CEP350: variants seen among roughly 807,000 people sequenced by gnomAD.
CEP350 encodes the protein centrosome-associated protein 350.
In CEP350, 126 loss-of-function variants were observed where a neutral mutation model predicts 331.8. The observed-to-expected ratio is 0.38, with a 90% CI of 0.33 to 0.44. The LOEUF (loss-of-function observed/expected upper bound fraction) is 0.44. Ranked by LOEUF, CEP350 falls within the 20% of genes least tolerant of loss-of-function variation. The pLI, the probability that CEP350 is intolerant of heterozygous loss-of-function variation, is 1.00. For missense variants in CEP350, 3,406 were observed against 3,634.6 expected, an observed-to-expected ratio of 0.94 and a Z score of 1.62; for synonymous variants, 1,200 against 1,259.5, an observed-to-expected ratio of 0.95 and a Z score of 1.00.
intron 26 of CEP350, 96 bp from the exon 27 acceptor site, chr1:180,065,019 T>C (rs1658463058): frequency 1.6e-6 from 2 of 1,272,144 alleles, no homozygotes; most frequent in Non-Finnish European, 2.1e-6. Context: ...TTATAAACAT[T>C]GTATTGTGGA....
At chr1:180,076,740 G>A (rs1156448749) in intron 28 of CEP350, among the ~76,000 whole-genome samples, 7 of 152,076 alleles carry the variant, frequency 4.6e-5, no homozygotes, top group Admixed American at 3.3e-4. Context: ...AGTGAGCTAA[G>A]ATCATACCAC....
At chr1:180,062,417 T>C in intron 26 of CEP350, 51 bp downstream of exon 26, 4 of 1,507,094 alleles carry the variant, frequency 2.7e-6, no homozygotes, top group Non-Finnish European at 3.6e-6. Flanking sequence ...TGATTGTCGG[T>C]ATCTAACCCT....
chr1:179,993,898 CCAACCTAGTT>C (rs1200519885), intron 5 of CEP350, among the ~76,000 whole-genome samples: 1 of 152,112 alleles, frequency 6.6e-6, no homozygotes, highest in Admixed American at 6.5e-5. Flanking sequence ...TCCCATTTTC[CCAACCTAGTT>C]CATCATCCCT....
intron 1 of CEP350, among the ~76,000 whole-genome samples, chr1:179,955,880 C>T (rs1178637927): frequency 6.6e-6 from 1 of 152,186 alleles, no homozygotes; most frequent in Non-Finnish European, 1.5e-5. Context: ...ATGTACTCCA[C>T]CTGATTGTTT....
intron 22 of CEP350, among the ~76,000 whole-genome samples, chr1:180,049,007 A>G (rs758317452): frequency 6.6e-6 from 1 of 152,180 alleles, no homozygotes; most frequent in Non-Finnish European, 1.5e-5. Flanking sequence ...TATCAAGTCT[A>G]CAGTGAGCTA....
At chr1:180,032,879 T>C (rs1656110976) in intron 15 of CEP350, among the ~76,000 whole-genome samples, 1 of 152,118 alleles carries the variant, frequency 6.6e-6, no homozygotes, top group Non-Finnish European at 1.5e-5. Context: ...ATCATTCTTT[T>C]TGTGTTTCAT....
At position 180,041,742 on chromosome 1, in the gene CEP350, A is replaced by G; in HGVS notation, c.4302A>G (p.Ile1434Met). The change falls in exon 19 of 38, where the codon ATA becomes ATG. Residue 1434 changes from isoleucine to methionine, a missense_variant. Ile to Met is a conservative substitution (Grantham distance 10). This residue lies in a region of CEP350 where 1,857 missense variants were observed against 1,909.2 expected (regional missense o/e 0.97). Coordinates refer to ENST00000367607, the MANE Select transcript of CEP350 (RefSeq NM_014810.5). ...TCCTGCAGGAAGCAACGTGTAAAAT[A>G]GCAGCTCAGCAGTCAGAAACTGCTC... Reference protein sequence around the residue: ...TEVLQEATCKIAAQQSETARL... With the variant: ...TEVLQEATCKMAAQQSETARL... 1 of 1,613,316 alleles carries G rather than the reference A, an allele frequency of 6.2e-7. No homozygotes were observed. Among genetic ancestry groups the G allele is most frequent in the Non-Finnish European group, 8.5e-7 (1 of 1,179,588 alleles).
chr1:180,098,735 A>G (rs1660633042), intron 36 of CEP350, 128 bp from the exon 37 acceptor site: 3 of 772,296 alleles, frequency 3.9e-6, no homozygotes, highest in African/African-American at 1.8e-5. Flanking sequence ...TGTAAGTGGA[A>G]GAAATTTGTA....
intron 14 of CEP350, among the ~76,000 whole-genome samples, chr1:180,024,884 G>T (rs1655563642): frequency 6.6e-6 from 1 of 151,584 alleles, no homozygotes; most frequent in Admixed American, 6.6e-5. Flanking sequence ...TAACATTTTT[G>T]ATGTATACGT....
At chr1:179,975,891 G>A (rs1005838833) in intron 1 of CEP350, among the ~76,000 whole-genome samples, 1 of 152,122 alleles carries the variant, frequency 6.6e-6, no homozygotes, top group Non-Finnish European at 1.5e-5. Context: ...GGTAGAAGGA[G>A]CTAGAGAACA....
At chr1:180,077,207 T>C (rs998415267) in intron 28 of CEP350, among the ~76,000 whole-genome samples, 1 of 152,080 alleles carries the variant, frequency 6.6e-6, no homozygotes, top group Non-Finnish European at 1.5e-5. Flanking sequence ...CAAAATTCAA[T>C]TGCATATCTA....
At chr1:179,998,347 C>A (rs1285012245) in intron 6 of CEP350, among the ~76,000 whole-genome samples, 1 of 141,524 alleles carries the variant, frequency 7.1e-6, no homozygotes, top group Non-Finnish European at 1.5e-5. Context: ...CTCACTCTGT[C>A]GCCCAGGCTG....
intron 6 of CEP350, 57 bp from the exon 7 acceptor site, chr1:180,003,117 A>G (rs890325581): frequency 1.7e-6 from 2 of 1,157,666 alleles, no homozygotes; most frequent in Non-Finnish European, 2.5e-6. Flanking sequence ...AAGTATAACA[A>G]ACAAAACTTA....
intron 9 of CEP350, among the ~76,000 whole-genome samples, chr1:180,012,737 G>A (rs1459266983): frequency 1.3e-5 from 2 of 152,174 alleles, no homozygotes; most frequent in African/African-American, 4.8e-5. Context: ...AGATGCAGTT[G>A]CAACTATAAT....
intron 26 of CEP350, 74 bp downstream of exon 26, chr1:180,062,440 A>G (rs1177994672): frequency 7.7e-6 from 11 of 1,437,316 alleles, no homozygotes; most frequent in East Asian, 2.6e-5. Flanking sequence ...CTCATGTTCT[A>G]AGATAATATT....
intron 11 of CEP350, among the ~76,000 whole-genome samples, chr1:180,018,393 T>C (rs945161365): frequency 1.3e-5 from 2 of 152,330 alleles, no homozygotes; most frequent in East Asian, 3.9e-4. Flanking sequence ...TGCTATAAAA[T>C]TGGCATTCTA....
At chr1:180,075,322 C>T (rs747168589) in intron 28 of CEP350, 101 bp downstream of exon 28, 65 of 1,214,298 alleles carry the variant, frequency 5.4e-5, no homozygotes, top group Non-Finnish European at 7.1e-5. Context: ...CGCAGTGGCT[C>T]ACGCCTGTAA....
chr1:180,072,906 T>C (rs1336395347), intron 27 of CEP350, among the ~76,000 whole-genome samples: 1 of 152,202 alleles, frequency 6.6e-6, no homozygotes, highest in Non-Finnish European at 1.5e-5. Flanking sequence ...AACAGGAGCA[T>C]GCTCTGTCAA....
intron 37 of CEP350, among the ~76,000 whole-genome samples, chr1:180,109,204 C>T (rs770149098): frequency 5.9e-5 from 9 of 151,648 alleles, no homozygotes; most frequent in African/African-American, 7.3e-5. Context: ...CTGCAACCTC[C>T]GCCTCCCGGG....
Sources: gnomAD v4.1 joint callset for allele counts (sites outside exome capture counted in the v4.1 genomes callset) on GRCh38, gnomAD v4.1.1 for gene constraint, gnomAD v4.1.1 regional missense constraint, MANE v1.5 for transcripts, NCBI Gene and HGNC (gene_info 2026-07-23, HGNC 2026-07-21) for gene names.